The following SEMA6D variants were observed in gnomAD, a reference collection of about 807,000 sequenced individuals.
SEMA6D encodes the protein semaphorin 6D.
In SEMA6D, 35 loss-of-function variants were observed where a neutral mutation model predicts 106.6. That is an observed-to-expected ratio of 0.33 (90% CI 0.25 to 0.44). SEMA6D has a LOEUF of 0.44. Ranked by LOEUF, SEMA6D falls within the 20% of genes least tolerant of loss-of-function variation. SEMA6D has a pLI of 1.00. For synonymous variants in SEMA6D, 499 were observed against 487.7 expected, an observed-to-expected ratio of 1.02 and a Z score of -0.31; for missense variants, 1,185 against 1,345.9, an observed-to-expected ratio of 0.88 and a Z score of 1.87.
chr15:47,702,963 C>T (rs2078843683), intron 4 of SEMA6D, among the ~76,000 whole-genome samples: 1 of 152,016 alleles, frequency 6.6e-6, no homozygotes, highest in Non-Finnish European at 1.5e-5. Flanking sequence ...CATCCAAACT[C>T]CTAGAATGTA....
intron 3 of SEMA6D, among the ~76,000 whole-genome samples, chr15:47,522,615 A>G (rs1483778697): frequency 1.3e-5 from 2 of 152,208 alleles, no homozygotes; most frequent in African/African-American, 2.4e-5. Context: ...TTTAGAAGGC[A>G]TGAGTGGTGG....
chr15:47,637,208 A>C (rs1197396255), intron 4 of SEMA6D, among the ~76,000 whole-genome samples: 10 of 152,328 alleles, frequency 6.6e-5, no homozygotes, highest in Non-Finnish European at 7.4e-5. Context: ...TTACTGGAAC[A>C]CGCTCCAGGA....
intron 4 of SEMA6D, among the ~76,000 whole-genome samples, chr15:47,655,703 TA>T (rs1490346524): frequency 6.6e-6 from 1 of 152,216 alleles, no homozygotes; most frequent in Non-Finnish European, 1.5e-5. Context: ...AGCTCTCTAT[TA>T]AAAAGCATCT....
At chr15:47,519,329 C>T (rs181091611) in intron 3 of SEMA6D, among the ~76,000 whole-genome samples, 162 of 152,222 alleles carry the variant, frequency 1.1e-3, no homozygotes, top group African/African-American at 3.8e-3. Context: ...TTTTGATAGC[C>T]AGGGCATCAC....
chr15:47,292,247 C>T (rs1000211795), intron 1 of SEMA6D, among the ~76,000 whole-genome samples: 1 of 152,074 alleles, frequency 6.6e-6, no homozygotes, highest in African/African-American at 2.4e-5. Flanking sequence ...AGATGTGATA[C>T]TTTCATTTTT....
At chr15:47,227,857 T>G (rs554434195) in intron 1 of SEMA6D, among the ~76,000 whole-genome samples, 2 of 107,510 alleles carry the variant, frequency 1.9e-5, no homozygotes, top group South Asian at 2.7e-4. Flanking sequence ...AGTCCATACA[T>G]TATATATTTT....
chr15:47,549,653 C>T (rs893800004), intron 3 of SEMA6D, among the ~76,000 whole-genome samples: 2 of 152,032 alleles, frequency 1.3e-5, no homozygotes, highest in Non-Finnish European at 2.9e-5. Flanking sequence ...GAAATAAATT[C>T]ATTTGTGTGC....
chr15:47,425,849 G>A (rs1214626824), intron 2 of SEMA6D, among the ~76,000 whole-genome samples: 1 of 151,758 alleles, frequency 6.6e-6, no homozygotes, highest in Non-Finnish European at 1.5e-5. Flanking sequence ...TTTAGGACTG[G>A]AAACAAATTT....
At chr15:47,360,606 A>G (rs1052881392) in intron 1 of SEMA6D, among the ~76,000 whole-genome samples, 1 of 152,218 alleles carries the variant, frequency 6.6e-6, no homozygotes, top group Admixed American at 6.5e-5. Context: ...TCAGGGGCTA[A>G]TAGAGAGCAA....
chr15:47,414,874 G>C (rs571791373), intron 2 of SEMA6D, among the ~76,000 whole-genome samples: 18 of 152,134 alleles, frequency 1.2e-4, no homozygotes, highest in Non-Finnish European at 2.2e-4. Flanking sequence ...ACCTGATTTT[G>C]CTGGATAGGA....
intron 1 of SEMA6D, among the ~76,000 whole-genome samples, chr15:47,254,026 T>C (rs1377119923): frequency 1.3e-5 from 2 of 152,090 alleles, no homozygotes; most frequent in Non-Finnish European, 2.9e-5. Flanking sequence ...CTTCAATTTC[T>C]TCCTTCAGTG....
chr15:47,716,339 C>T (rs1326859578), upstream of SEMA6D, among the ~76,000 whole-genome samples: 1 of 152,054 alleles, frequency 6.6e-6, no homozygotes, highest in African/African-American at 2.4e-5. Flanking sequence ...CAAGGCTGTC[C>T]TTGGAAGTTT....
chr15:47,495,410 T>C (rs898934386), intron 3 of SEMA6D, among the ~76,000 whole-genome samples: 1 of 152,020 alleles, frequency 6.6e-6, no homozygotes, highest in Non-Finnish European at 1.5e-5. Flanking sequence ...CTTTTTAAAC[T>C]GAGGTTGTGG....
chr15:47,244,427 G>C (rs558721407), intron 1 of SEMA6D, among the ~76,000 whole-genome samples: 7 of 152,196 alleles, frequency 4.6e-5, no homozygotes, highest in Admixed American at 3.9e-4. Flanking sequence ...AATATCCTCA[G>C]CCCATTTCTT....
At chr15:47,607,020 A>G (rs966816984) in intron 4 of SEMA6D, among the ~76,000 whole-genome samples, 8 of 152,202 alleles carry the variant, frequency 5.3e-5, no homozygotes, top group African/African-American at 1.9e-4. Context: ...GAGATGATCT[A>G]CATTGAACCT....
At chr15:47,663,753 G>C (rs374489263) in intron 4 of SEMA6D, among the ~76,000 whole-genome samples, 4 of 152,200 alleles carry the variant, frequency 2.6e-5, no homozygotes, top group South Asian at 4.1e-4. Flanking sequence ...TAAGAGTTTG[G>C]ATAGGAGAAG....
At chr15:47,494,789 T>TATATATATATATATATAA (rs1172707329) in intron 3 of SEMA6D, among the ~76,000 whole-genome samples, 1 of 88,862 alleles carries the variant, frequency 1.1e-5, no homozygotes, top group African/African-American at 5.0e-5. Context: ...TATATATATA[T>TATATATATATATATATAA]AATCTCCAGA....
chr15:47,668,647 G>A (rs1441870318), intron 4 of SEMA6D, among the ~76,000 whole-genome samples: 1 of 152,100 alleles, frequency 6.6e-6, no homozygotes, highest in Non-Finnish European at 1.5e-5. Context: ...CCAACACCTT[G>A]ATATCATAGT....
chr15:47,269,799 T>G (rs1021792330), intron 1 of SEMA6D, among the ~76,000 whole-genome samples: 3 of 152,128 alleles, frequency 2.0e-5, no homozygotes, highest in Non-Finnish European at 4.4e-5. Flanking sequence ...ATCAGCAGAT[T>G]AGATAAATCC....
Sources: allele counts gnomAD v4.1 joint callset (sites outside exome capture counted in the v4.1 genomes callset), GRCh38; gene constraint gnomAD v4.1.1; transcripts MANE v1.5; gene names NCBI Gene and HGNC (gene_info 2026-07-23, HGNC 2026-07-21).